Variants in ITIH5 observed in about 807,000 individuals in gnomAD.
ITIH5 encodes the protein inter-alpha-trypsin inhibitor heavy chain 5, also known as inter-alpha-trypsin inhibitor heavy chain H5.
In ITIH5, 65 loss-of-function variants were observed where a neutral mutation model predicts 77.5. That is an observed-to-expected ratio of 0.84 (90% CI 0.69 to 1.03). The LOEUF (loss-of-function observed/expected upper bound fraction) is 1.03, where lower values mean the gene tolerates loss of function less well. Among genes scored for constraint, ITIH5 ranks in the 50% least tolerant of loss-of-function variants. ITIH5 has a pLI of 0.00. For synonymous variants in ITIH5, 525 were observed against 494.3 expected (o/e 1.06, Z -0.82); for missense variants, 1,208 against 1,213.1 (o/e 1.00, Z 0.06).
At chr10:7,640,909 G>T in intron 3 of ITIH5, 54 bp from the exon 4 acceptor site, 1 of 1,132,604 alleles carries the variant, frequency 8.8e-7, no homozygotes, top group Non-Finnish European at 1.3e-6. Flanking sequence ...GACAAATTCA[G>T]ACATGGATCT....
intron 9 of ITIH5, among the ~76,000 whole-genome samples, chr10:7,579,112 G>A (rs867515824): frequency 6.6e-6 from 1 of 152,342 alleles, no homozygotes; most frequent in East Asian, 1.9e-4. Context: ...CTTAATATGG[G>A]ATGGCCACTG....
chr10:7,576,361 A>T, intron 10 of ITIH5, 92 bp downstream of exon 10: 1 of 1,134,958 alleles, frequency 8.8e-7, no homozygotes, highest in Non-Finnish European at 1.2e-6. Flanking sequence ...AAGATGGAAT[A>T]ACACAGCTTC....
At chr10:7,564,455 T>C (rs1832100046) in intron 13 of ITIH5, among the ~76,000 whole-genome samples, 1 of 152,214 alleles carries the variant, frequency 6.6e-6, no homozygotes. Context: ...ATATTTTTAG[T>C]GTACCTTTTC....
At chr10:7,576,365 C>T (rs993895313) in intron 10 of ITIH5, 88 bp downstream of exon 10, 9 of 1,173,972 alleles carry the variant, frequency 7.7e-6, no homozygotes, top group Admixed American at 2.8e-5. Context: ...TGGAATAACA[C>T]AGCTTCCTGC....
intron 5 of ITIH5, among the ~76,000 whole-genome samples, chr10:7,623,707 G>A (rs1239257451): frequency 1.3e-5 from 2 of 150,194 alleles, no homozygotes; most frequent in African/African-American, 2.5e-5. Flanking sequence ...GGAGGGTGAG[G>A]CAGGAGAATG....
Position 7,562,334 on chromosome 10 carries a change from C to T in ITIH5, c.*749G>A, listed in dbSNP as rs529757062. 3.0e-4 allele frequency: 45 copies of T among 152,204 alleles called. No homozygotes were observed. Among genetic ancestry groups the T allele is most frequent in the Admixed American group, 2.4e-3 (37 of 15,280 alleles). 9.4% of individuals were successfully genotyped at this position (152,204 alleles called of 1,614,324 possible). A position where few individuals can be genotyped will look rare whatever the true frequency, so the allele number is the denominator to read the frequency against. On this transcript the variant is annotated 3_prime_UTR_variant, in exon 14 of 14. Transcript: ENST00000397146. ...TGTCCTGTGTATGAAAAGCCCTTAG[C>T]TTATTGGAACAAATTGGAGAATAGC...
At chr10:7,621,316 T>C (rs1228750854) in intron 5 of ITIH5, 2 of 152,188 alleles carry the variant, frequency 1.3e-5, no homozygotes, top group African/African-American at 4.8e-5. Context: ...TTAATACCAT[T>C]CATGGCTGAG....
intron 2 of ITIH5, among the ~76,000 whole-genome samples, chr10:7,646,854 T>G (rs1834016557): frequency 6.6e-6 from 1 of 152,216 alleles, no homozygotes; most frequent in Non-Finnish European, 1.5e-5. Flanking sequence ...GGAAGCTAGA[T>G]GCCCTGTCAT....
intron 7 of ITIH5, among the ~76,000 whole-genome samples, chr10:7,612,497 A>C (rs1000720165): frequency 1.3e-5 from 2 of 152,214 alleles, no homozygotes; most frequent in African/African-American, 4.8e-5. Context: ...TTAATGCCAT[A>C]AGATATATTC....
At chr10:7,647,903 C>T (rs1338720642) in intron 2 of ITIH5, among the ~76,000 whole-genome samples, 1 of 151,970 alleles carries the variant, frequency 6.6e-6, no homozygotes, top group Non-Finnish European at 1.5e-5. Context: ...GGTAGTCAAC[C>T]CCAATGGCCA....
At chr10:7,567,323 T>A (rs912659514) in intron 12 of ITIH5, among the ~76,000 whole-genome samples, 2 of 136,022 alleles carry the variant, frequency 1.5e-5, no homozygotes, top group Admixed American at 1.4e-4. Flanking sequence ...ACATCTTTTA[T>A]TATTATTATT....
intron 7 of ITIH5, among the ~76,000 whole-genome samples, chr10:7,595,237 A>T (rs185643031): frequency 2.0e-5 from 3 of 152,298 alleles, no homozygotes. Flanking sequence ...AAATAAAAAA[A>T]TAATAAAATT....
chr10:7,579,949 C>T lies in ITIH5; in HGVS notation c.1224G>A (p.Lys408=). The T allele has an allele frequency of 1.2e-6, 2 of 1,614,226 alleles. No individual in the cohort carries two copies. The highest frequency in any genetic ancestry group is 1.1e-5 in the South Asian group (1 of 91,084). ...GGGTGTGCGTCTCCCCGACCGTGGG[C>T]TTCCCATCCGTCAGGAAGACGATGA... ...VSLIVFLTDG[K]PTVGETHTLK... The change falls in exon 9 of 14, where the codon AAG becomes AAA. Residue 408 remains lysine, a synonymous_variant. Transcript: ENST00000397146.
intron 7 of ITIH5, among the ~76,000 whole-genome samples, chr10:7,586,556 T>A (rs1564246107): frequency 6.6e-6 from 1 of 152,172 alleles, no homozygotes; most frequent in Non-Finnish European, 1.5e-5. Flanking sequence ...GATTGTTTTA[T>A]CTCCTTCCCT....
At chr10:7,631,223 G>C (rs966546933) in intron 5 of ITIH5, among the ~76,000 whole-genome samples, 1 of 152,118 alleles carries the variant, frequency 6.6e-6, no homozygotes, top group African/African-American at 2.4e-5. Context: ...ATTGGCATGG[G>C]TGAGGCTTAA....
At chr10:7,644,664 CATA>C (rs1348655832) in intron 2 of ITIH5, among the ~76,000 whole-genome samples, 3 of 133,894 alleles carry the variant, frequency 2.2e-5, no homozygotes, top group Non-Finnish European at 4.6e-5. Flanking sequence ...ACATATATAT[CATA>C]TATATCACAT....
At chr10:7,644,626 CATATATCACATATATATCAT>C (rs1158544099) in intron 2 of ITIH5, among the ~76,000 whole-genome samples, 11,384 of 97,868 alleles carry the variant, frequency 0.12, 1,532 homozygotes, top group Non-Finnish European at 0.16. Context: ...ATATATATCA[CATATATCACATATATATCAT>C]ATATATCACA....
Position 7,563,099 on chromosome 10 carries a change from A to G in ITIH5, c.2813T>C (p.Met938Thr). 1.2e-6 allele frequency: 2 copies of G among 1,610,876 alleles called. No homozygotes were observed. The highest frequency in any genetic ancestry group is 1.7e-6 in the Non-Finnish European group (2 of 1,179,746). The change falls in exon 14 of 14, where the codon ATG (methionine) becomes ACG (threonine). Residue 938 changes from methionine to threonine, a missense_variant. Met to Thr is a moderately conservative substitution (Grantham distance 81). Transcript: ENST00000397146. Reference protein sequence around the residue: ...FDTGMTLGRGMSREL With the variant: ...FDTGMTLGRGTSREL ...CTGCCAGCTTCAGAGCTCCCTGGAC[A>G]TTCCCCGGCCAAGTGTCATCCCTGT...
rs759202540 is a variant in ITIH5 at position 7,655,655 on chromosome 10, C to T, written c.111G>A (p.Arg37=). Residue 37 remains arginine (R), a synonymous_variant, in exon 2 of 14, where the codon AGG becomes AGA. Transcript: ENST00000397146. ...CCAGCCTCTGCAACAGTCTGACTTGCCTCGGGACCCTGAGTCCATCCTAGA... is the reference window on the plus strand; with the variant it reads ...CCAGCCTCTGCAACAGTCTGACTTGTCTCGGGACCCTGAGTCCATCCTAGA... ...SSEQDGLRVP[R]QVRLLQRLKT... 6.2e-7 allele frequency: 1 copy of T among 1,612,734 alleles called. No individual in the cohort carries two copies. The highest frequency in any genetic ancestry group is 1.3e-5 in the African/African-American group (1 of 74,892).
Sources: allele counts gnomAD v4.1 joint callset (sites outside exome capture counted in the v4.1 genomes callset), GRCh38; gene constraint gnomAD v4.1.1; transcripts MANE v1.5; gene names NCBI Gene and HGNC (gene_info 2026-07-23, HGNC 2026-07-21).